The following KHDRBS3 variants were observed in gnomAD, a reference collection of about 807,000 sequenced individuals.
KHDRBS3 encodes the protein KH domain-containing, RNA-binding, signal transduction-associated protein 3.
KHDRBS3 carries 23 observed loss-of-function variants against 45.6 expected under a neutral mutation model. That is an observed-to-expected ratio of 0.50 (90% CI 0.36 to 0.72). The LOEUF (loss-of-function observed/expected upper bound fraction) is 0.72. Ranked by LOEUF, KHDRBS3 falls within the 30% of genes least tolerant of loss-of-function variation. KHDRBS3 has a pLI of 0.00. For synonymous variants in KHDRBS3, 162 were observed against 156.5 expected (o/e 1.04, Z -0.26); for missense variants, 352 against 424.8 (o/e 0.83, Z 1.51).
intron 7 of KHDRBS3, among the ~76,000 whole-genome samples, chr8:135,644,808 G>A (rs1232312245): frequency 6.6e-6 from 1 of 152,010 alleles, no homozygotes; most frequent in African/African-American, 2.4e-5. Flanking sequence ...TGTGTTGCGT[G>A]GCCAATTGTT....
At chr8:135,622,657 T>C (rs528231497) in intron 7 of KHDRBS3, among the ~76,000 whole-genome samples, 29 of 152,316 alleles carry the variant, frequency 1.9e-4, no homozygotes, top group African/African-American at 6.5e-4. Flanking sequence ...GTATACCAGA[T>C]GGAAGGATTG....
At chr8:135,477,198 T>C (rs769571939) in intron 1 of KHDRBS3, among the ~76,000 whole-genome samples, 2 of 152,162 alleles carry the variant, frequency 1.3e-5, no homozygotes, top group Non-Finnish European at 2.9e-5. Context: ...ATAATAATTA[T>C]CTTATAGATA....
intron 7 of KHDRBS3, among the ~76,000 whole-genome samples, chr8:135,617,734 T>C (rs2131073271): frequency 6.6e-6 from 1 of 152,364 alleles, no homozygotes; most frequent in Non-Finnish European, 1.5e-5. Flanking sequence ...TAACTGTTGT[T>C]ATTATGAGTT....
At chr8:135,624,691 G>A (rs1321910864) in intron 7 of KHDRBS3, among the ~76,000 whole-genome samples, 1 of 152,122 alleles carries the variant, frequency 6.6e-6, no homozygotes, top group Non-Finnish European at 1.5e-5. Context: ...TCAAGGTCTG[G>A]CCCTTCCTTC....
intron 1 of KHDRBS3, among the ~76,000 whole-genome samples, chr8:135,477,531 A>G (rs1822352802): frequency 6.6e-6 from 1 of 152,238 alleles, no homozygotes; most frequent in Admixed American, 6.5e-5. Flanking sequence ...CTTGACTTAT[A>G]TTGAACCTGA....
rs146240257 is a variant in KHDRBS3, at chr8:135,507,875, T to C, written c.89-13362T>C. ...TTTTCATCAGTGTCTTAATTTTCTA[T>C]CATGAGTAAATCTAAGTGACAGGAT... On this transcript the variant is annotated intron_variant, in intron 1 of 8. Transcript: ENST00000355849. Among the ~76,000 whole-genome samples the C allele has an allele frequency of 8.5e-5, 13 of 152,322 alleles. No homozygotes were observed. In the East Asian group the frequency reaches 2.5e-3, roughly 29 times the overall value.
At chr8:135,500,581 A>C (rs1586617190) in intron 1 of KHDRBS3, among the ~76,000 whole-genome samples, 1 of 152,198 alleles carries the variant, frequency 6.6e-6, no homozygotes, top group Non-Finnish European at 1.5e-5. Flanking sequence ...AGAGGCAGGG[A>C]GCTCTGAAGA....
At chr8:135,481,250 A>ATATATATATATATATATATATATATAT (rs1285436029) in intron 1 of KHDRBS3, among the ~76,000 whole-genome samples, 1 of 125,562 alleles carries the variant, frequency 8.0e-6, no homozygotes, top group Non-Finnish European at 1.6e-5. Flanking sequence ...ATATATATAT[A>ATATATATATATATATATATATATATAT]TTTAATGTAA....
At chr8:135,536,486 A>C (rs1214770792) in intron 2 of KHDRBS3, among the ~76,000 whole-genome samples, 1 of 152,128 alleles carries the variant, frequency 6.6e-6, no homozygotes, top group Non-Finnish European at 1.5e-5. Context: ...TTCGCAGGAC[A>C]GTCACATCGT....
intron 6 of KHDRBS3, among the ~76,000 whole-genome samples, chr8:135,606,622 G>A (rs1156739890): frequency 6.6e-6 from 1 of 152,040 alleles, no homozygotes. Context: ...AATAAGACAA[G>A]TTAGAATAGC....
chr8:135,512,938 C>T (rs1007471707), intron 1 of KHDRBS3, among the ~76,000 whole-genome samples: 3 of 152,112 alleles, frequency 2.0e-5, no homozygotes, highest in African/African-American at 4.8e-5. Flanking sequence ...GGAGGCTAGG[C>T]GCAGTGGCTC....
chr8:135,497,869 T>C (rs1823537175), intron 1 of KHDRBS3, among the ~76,000 whole-genome samples: 1 of 152,216 alleles, frequency 6.6e-6, no homozygotes, highest in South Asian at 2.1e-4. Flanking sequence ...ATTCTGTTTG[T>C]ATTATTCCAT....
At chr8:135,575,868 C>T (rs1053907794) in intron 5 of KHDRBS3, among the ~76,000 whole-genome samples, 1 of 152,172 alleles carries the variant, frequency 6.6e-6, no homozygotes, top group African/African-American at 2.4e-5. Flanking sequence ...AAGTCCATTT[C>T]AGGTTTCCTT....
intron 2 of KHDRBS3, chr8:135,538,896 G>A (rs1456728638): frequency 6.6e-6 from 1 of 152,034 alleles, no homozygotes; most frequent in Non-Finnish European, 1.5e-5. Flanking sequence ...TACCGACTAT[G>A]ACTAGCTTGA....
intron 1 of KHDRBS3, among the ~76,000 whole-genome samples, chr8:135,463,252 T>C (rs1034643492): frequency 2.6e-5 from 4 of 152,152 alleles, no homozygotes; most frequent in Admixed American, 6.5e-5. Flanking sequence ...TTCATTTCAG[T>C]GTTACGTGTT....
At chr8:135,541,689 G>A (rs1003646110) in intron 2 of KHDRBS3, 6 of 152,276 alleles carry the variant, frequency 3.9e-5, no homozygotes, top group South Asian at 2.1e-4. Context: ...TTGCCAAGGC[G>A]AACAGCTTCC....
intron 5 of KHDRBS3, among the ~76,000 whole-genome samples, chr8:135,573,460 ACTAATTACCACT>A (rs1827802124): frequency 6.6e-6 from 1 of 152,198 alleles, no homozygotes; most frequent in African/African-American, 2.4e-5. Flanking sequence ...AAGTCTGTGT[ACTAATTACCACT>A]TACTACATGC....
intron 7 of KHDRBS3, among the ~76,000 whole-genome samples, chr8:135,628,213 G>C (rs574252519): frequency 6.6e-6 from 1 of 152,160 alleles, no homozygotes; most frequent in African/African-American, 2.4e-5. Flanking sequence ...GTATCATCAT[G>C]TTCCATTCCC....
intron 1 of KHDRBS3, among the ~76,000 whole-genome samples, chr8:135,489,161 A>T (rs1415735608): frequency 6.6e-6 from 1 of 152,004 alleles, no homozygotes; most frequent in Non-Finnish European, 1.5e-5. Flanking sequence ...TTTTTTGGTA[A>T]TTCTGTCCAA....
Sources: gnomAD v4.1 joint callset for allele counts (sites outside exome capture counted in the v4.1 genomes callset) on GRCh38, gnomAD v4.1.1 for gene constraint, MANE v1.5 for transcripts, NCBI Gene and HGNC (gene_info 2026-07-23, HGNC 2026-07-21) for gene names.